The following TMEM178B variants were observed in gnomAD, a reference collection of about 807,000 sequenced individuals.
TMEM178B encodes transmembrane protein 178B.
In TMEM178B, 5 loss-of-function variants were observed where a neutral mutation model predicts 31.0. The ratio of observed to expected loss-of-function variants is 0.16; its 90% confidence interval spans 0.08 to 0.34. The LOEUF is 0.34. TMEM178B is among the 10% of genes least tolerant of loss of function. The pLI, the probability that TMEM178B is intolerant of heterozygous loss-of-function variation, is 1.00. For missense variants in TMEM178B, 275 were observed against 400.3 expected (o/e 0.69, Z 2.67); for synonymous variants, 164 against 164.0 (o/e 1.00, Z 0.00).
chr7:141,322,571 A>G (rs776431369), intron 2 of TMEM178B, among the ~76,000 whole-genome samples: 1 of 152,094 alleles, frequency 6.6e-6, no homozygotes, highest in Non-Finnish European at 1.5e-5. Context: ...GAACACAAAG[A>G]ATACAGAGTC....
At chr7:141,388,832 TAAAC>T (rs1441387773) in intron 2 of TMEM178B, among the ~76,000 whole-genome samples, 1 of 152,154 alleles carries the variant, frequency 6.6e-6, no homozygotes, top group Non-Finnish European at 1.5e-5. Flanking sequence ...TCTACATACA[TAAAC>T]AAACAAAAAT....
At chr7:141,289,032 G>A (rs1798497905) in intron 2 of TMEM178B, among the ~76,000 whole-genome samples, 1 of 152,122 alleles carries the variant, frequency 6.6e-6, no homozygotes, top group Admixed American at 6.5e-5. Context: ...CTGCTGGTCT[G>A]ACCCCCAGGA....
chr7:141,089,098 C>T (rs1365865580), intron 1 of TMEM178B, among the ~76,000 whole-genome samples: 1 of 152,154 alleles, frequency 6.6e-6, no homozygotes, highest in Non-Finnish European at 1.5e-5. Context: ...CCAAAATGGT[C>T]TCAAAAGGGA....
At chr7:141,463,394 A>G (rs1184389106) in intron 3 of TMEM178B, among the ~76,000 whole-genome samples, 1 of 152,178 alleles carries the variant, frequency 6.6e-6, no homozygotes, top group Non-Finnish European at 1.5e-5. Context: ...CCAATGACAT[A>G]CCTTAGCTCC....
At chr7:141,393,173 C>T (rs1800576849) in intron 2 of TMEM178B, among the ~76,000 whole-genome samples, 1 of 152,098 alleles carries the variant, frequency 6.6e-6, no homozygotes, top group African/African-American at 2.4e-5. Flanking sequence ...GGCAGCCCTC[C>T]TGGGGCGAAA....
At chr7:141,161,063 G>A (rs1488136286) in intron 1 of TMEM178B, among the ~76,000 whole-genome samples, 5 of 152,228 alleles carry the variant, frequency 3.3e-5, no homozygotes, top group African/African-American at 7.2e-5. Flanking sequence ...CACCACGTTG[G>A]TCAGGCTGGT....
intron 1 of TMEM178B, among the ~76,000 whole-genome samples, chr7:141,210,192 C>T (rs553668197): frequency 2.4e-4 from 36 of 152,158 alleles, no homozygotes; most frequent in South Asian, 1.0e-3. Context: ...GGGCTGGATG[C>T]GGTGGCTCAT....
At chr7:141,426,693 C>T (rs1801322971) in intron 2 of TMEM178B, among the ~76,000 whole-genome samples, 1 of 152,002 alleles carries the variant, frequency 6.6e-6, no homozygotes, top group African/African-American at 2.4e-5. Context: ...ATCAAAGCTC[C>T]AACTCATGTA....
At chr7:141,290,497 G>A (rs541342155) in intron 2 of TMEM178B, among the ~76,000 whole-genome samples, 1 of 151,838 alleles carries the variant, frequency 6.6e-6, no homozygotes, top group African/African-American at 2.4e-5. Flanking sequence ...CACTGCCCAG[G>A]TGTGAAATGT....
At chr7:141,289,897 G>A (rs1798517196) in intron 2 of TMEM178B, among the ~76,000 whole-genome samples, 1 of 152,006 alleles carries the variant, frequency 6.6e-6, no homozygotes, top group Admixed American at 6.6e-5. Context: ...TGCTTTGGGA[G>A]GCTGAAGCGG....
chr7:141,482,332 A>G (rs1323264823), downstream of TMEM178B, among the ~76,000 whole-genome samples: 1 of 151,974 alleles, frequency 6.6e-6, no homozygotes, highest in Non-Finnish European at 1.5e-5. Context: ...CTGGGCGAAG[A>G]GCTCTTTCCC....
chr7:141,246,774 C>G (rs1797737314), intron 2 of TMEM178B, among the ~76,000 whole-genome samples: 1 of 152,034 alleles, frequency 6.6e-6, no homozygotes, highest in Non-Finnish European at 1.5e-5. Flanking sequence ...GGGCCGGGGT[C>G]AGAGTACAGA....
chr7:141,387,610 C>T (rs1339985701), intron 2 of TMEM178B, among the ~76,000 whole-genome samples: 1 of 152,140 alleles, frequency 6.6e-6, no homozygotes, highest in African/African-American at 2.4e-5. Flanking sequence ...GTTTTCATAG[C>T]GAGGAGCTAT....
chr7:141,353,888 T>C (rs1215897149), intron 2 of TMEM178B, among the ~76,000 whole-genome samples: 1 of 152,240 alleles, frequency 6.6e-6, no homozygotes, highest in Non-Finnish European at 1.5e-5. Context: ...TATCCTCTAA[T>C]GATCATTGAA....
At chr7:141,273,733 C>T (rs949414470) in intron 2 of TMEM178B, among the ~76,000 whole-genome samples, 3 of 152,164 alleles carry the variant, frequency 2.0e-5, no homozygotes, top group Non-Finnish European at 4.4e-5. Flanking sequence ...TTCCCTTGCC[C>T]GAGGCTCTCA....
At chr7:141,361,251 G>T (rs538901479) in intron 2 of TMEM178B, among the ~76,000 whole-genome samples, 4 of 152,092 alleles carry the variant, frequency 2.6e-5, no homozygotes, top group Non-Finnish European at 5.9e-5. Context: ...GTATCACAGG[G>T]CCATTTGTCT....
intron 1 of TMEM178B, among the ~76,000 whole-genome samples, chr7:141,189,317 G>C (rs1796659902): frequency 6.6e-6 from 1 of 152,242 alleles, no homozygotes; most frequent in African/African-American, 2.4e-5. Flanking sequence ...GGGGCACCCA[G>C]AGTAGAGGAA....
intron 2 of TMEM178B, among the ~76,000 whole-genome samples, chr7:141,432,097 A>G (rs751459132): frequency 7.6e-5 from 11 of 144,428 alleles, no homozygotes; most frequent in Non-Finnish European, 1.2e-4. Context: ...TGTGAATGTG[A>G]TATCTGGCCT....
chr7:141,314,288 T>C (rs1222423154), intron 2 of TMEM178B, among the ~76,000 whole-genome samples: 1 of 152,140 alleles, frequency 6.6e-6, no homozygotes, highest in African/African-American at 2.4e-5. Flanking sequence ...ATTGGTACCA[T>C]GGAATATTTT....
Sources: allele counts gnomAD v4.1 joint callset (sites outside exome capture counted in the v4.1 genomes callset), GRCh38; gene constraint gnomAD v4.1.1; transcripts MANE v1.5; gene names NCBI Gene and HGNC (gene_info 2026-07-23, HGNC 2026-07-21).